PREP: variants seen among roughly 807,000 people sequenced by gnomAD.
PREP encodes the protein dJ355L5.1 (prolyl endopeptidase).
Under a neutral mutation model 87.6 loss-of-function variants are expected in PREP, and 29 were observed. That is an observed-to-expected ratio of 0.33 (90% CI 0.25 to 0.45). The LOEUF (loss-of-function observed/expected upper bound fraction) is 0.45. Ranked by LOEUF, PREP falls within the 20% of genes least tolerant of loss-of-function variation. The probability of loss-of-function intolerance (pLI) is 1.00; values close to 1 mark genes in which losing one functional copy is unlikely to be tolerated. For synonymous variants in PREP, 337 were observed against 328.6 expected (o/e 1.03, Z -0.28); for missense variants, 695 against 886.5 (o/e 0.78, Z 2.74).
chr6:105,329,785 A>G (rs1254458669), intron 8 of PREP, among the ~76,000 whole-genome samples: 1 of 152,274 alleles, frequency 6.6e-6, no homozygotes, highest in African/African-American at 2.4e-5. Context: ...GTGAGACAAA[A>G]TCATATAAAA....
At chr6:105,348,992 A>G (rs1258748678) in intron 7 of PREP, among the ~76,000 whole-genome samples, 1 of 152,194 alleles carries the variant, frequency 6.6e-6, no homozygotes, top group Non-Finnish European at 1.5e-5. Flanking sequence ...AGTGGAGAAT[A>G]GGACATGACT....
At chr6:105,332,495 G>A (rs1025976107) in intron 8 of PREP, among the ~76,000 whole-genome samples, 1 of 151,974 alleles carries the variant, frequency 6.6e-6, no homozygotes, top group Non-Finnish European at 1.5e-5. Context: ...ATCTCAAAGG[G>A]GACTTTTTTT....
chr6:105,326,037 G>A (rs187546368), intron 9 of PREP, among the ~76,000 whole-genome samples: 1 of 152,256 alleles, frequency 6.6e-6, no homozygotes, highest in East Asian at 1.9e-4. Context: ...CAGGGGATCC[G>A]AAAAGTCACG....
chr6:105,394,889 T>C (rs938914495), intron 2 of PREP, among the ~76,000 whole-genome samples: 2 of 152,228 alleles, frequency 1.3e-5, no homozygotes, highest in African/African-American at 4.8e-5. Flanking sequence ...TCAAGGCTAC[T>C]GCAACAAGTA....
chr6:105,384,438 A>G (rs1772930053), intron 2 of PREP, among the ~76,000 whole-genome samples: 1 of 152,192 alleles, frequency 6.6e-6, no homozygotes, highest in African/African-American at 2.4e-5. Flanking sequence ...CTCTTTCTCC[A>G]TCAGATCGTA....
chr6:105,288,111 G>A (rs1770224127), intron 11 of PREP, among the ~76,000 whole-genome samples: 1 of 152,174 alleles, frequency 6.6e-6, no homozygotes, highest in Non-Finnish European at 1.5e-5. Context: ...TGAAGGTAGT[G>A]CGGTGGCAGC....
Position 105,276,704 on chromosome 6 carries a change from G to A in PREP, c.*1440C>T, listed in dbSNP as rs1255184372. On this transcript the variant is annotated 3_prime_UTR_variant, in exon 15 of 15. Coordinates refer to ENST00000652536, the MANE Select transcript of PREP (RefSeq NM_002726.5). ...ATTATGTACCGTACTAAATAGTAAC[G>A]GAAAACATGATTCCAGTAGAGAAAA... is the stretch of plus-strand genomic sequence containing the variant. Among the ~76,000 whole-genome samples, 2 of 152,126 alleles carry A rather than the reference G, an allele frequency of 1.3e-5. No individual in the cohort carries two copies. Among genetic ancestry groups the A allele is most frequent in the African/African-American group, 4.8e-5 (2 of 41,426 alleles).
chr6:105,278,069 C>T lies in PREP; in HGVS notation c.*75G>A. ...TGTTCCCGTGGGGAAGCATTATGCC[C>T]AGTGGTTTCTTGGTGTCAACGTGGG... On this transcript the variant is annotated 3_prime_UTR_variant, in exon 15 of 15. Coordinates refer to ENST00000652536, the MANE Select transcript of PREP (RefSeq NM_002726.5). This position sits in a 1 kb window ranked among gnomAD's most constrained non-coding sequence, Gnocchi z 4.2. 1.3e-6 allele frequency: 2 copies of T among 1,517,622 alleles called. No homozygotes were observed. Among genetic ancestry groups the T allele is most frequent in the African/African-American group, 1.4e-5 (1 of 72,616 alleles). The allele number at this position is 1,517,622 out of a possible 1,614,324, so 94.0% of individuals were successfully genotyped here.
chr6:105,312,698 G>A (rs1371228684), intron 10 of PREP, among the ~76,000 whole-genome samples: 1 of 152,098 alleles, frequency 6.6e-6, no homozygotes, highest in African/African-American at 2.4e-5. Context: ...GCTTTACACT[G>A]AGCTCCCAGG....
At chr6:105,283,457 C>T (rs1770123968) in intron 12 of PREP, among the ~76,000 whole-genome samples, 1 of 152,154 alleles carries the variant, frequency 6.6e-6, no homozygotes, top group African/African-American at 2.4e-5. Flanking sequence ...TTGAGATTAA[C>T]CACTTCTGCT....
chr6:105,373,615 C>T (rs774991460), intron 4 of PREP, 37 bp from the exon 5 acceptor site: 108 of 1,573,402 alleles, frequency 6.9e-5, no homozygotes, highest in East Asian at 3.6e-4. Context: ...GTGACAAACA[C>T]GGAACACAAC....
rs1334591304 is a variant in PREP, at chr6:105,277,839, A to C, written c.*305T>G. On this transcript the variant is annotated 3_prime_UTR_variant, in exon 15 of 15. Coordinates refer to ENST00000652536, the MANE Select transcript of PREP (RefSeq NM_002726.5). ...ATAAGTATGCCCGACTATGATCCTT[A>C]ATTCAGCAATCTAATATTCACAATG... 12 of 391,514 alleles carry C rather than the reference A, an allele frequency of 3.1e-5. No homozygotes were observed. The Admixed American group carries it at 3.4e-4, about 11-fold the overall frequency. 24.3% of individuals were successfully genotyped at this position (391,514 alleles called of 1,614,324 possible). A position where few individuals can be genotyped will look rare whatever the true frequency, so the allele number is the denominator to read the frequency against.
intron 2 of PREP, among the ~76,000 whole-genome samples, chr6:105,394,083 TA>T (rs1773230135): frequency 6.6e-6 from 1 of 152,166 alleles, no homozygotes; most frequent in Admixed American, 6.5e-5. Flanking sequence ...TTCTTGTAAA[TA>T]TAGTTGTAAG....
In PREP at chr6:105,403,063, G is replaced by A. The variant is rs575058405; in HGVS notation, c.-172C>T. The A allele has an allele frequency of 1.1e-4, 30 of 278,830 alleles. No individual in the cohort carries two copies. The highest frequency in any genetic ancestry group is 1.6e-4 in the Non-Finnish European group (24 of 150,988). 17.3% of individuals were successfully genotyped at this position (278,830 alleles called of 1,614,324 possible). A position where few individuals can be genotyped will look rare whatever the true frequency, so the allele number is the denominator to read the frequency against. ...AGCACAAACGGACTGGCGGCGCGGC[G>A]GCGAGGACGTGCAGAAAGCAGGAAG... is the stretch of plus-strand genomic sequence containing the variant. On this transcript the variant is annotated 5_prime_UTR_variant, in exon 1 of 15. Coordinates refer to ENST00000652536, the MANE Select transcript of PREP (RefSeq NM_002726.5).
intron 10 of PREP, among the ~76,000 whole-genome samples, chr6:105,314,996 G>A (rs1314738389): frequency 1.3e-5 from 2 of 152,152 alleles, no homozygotes; most frequent in Non-Finnish European, 2.9e-5. Flanking sequence ...GGGTGACTAG[G>A]TGCATTGTCA....
intron 7 of PREP, among the ~76,000 whole-genome samples, chr6:105,351,841 C>T (rs956572950): frequency 1.3e-5 from 2 of 151,992 alleles, no homozygotes; most frequent in African/African-American, 2.4e-5. Flanking sequence ...TTCTTGACAC[C>T]AAGATGGATG....
intron 2 of PREP, among the ~76,000 whole-genome samples, chr6:105,382,270 AACACACACAC>A (rs146759488): frequency 0.059 from 8,404 of 143,070 alleles, 245 homozygotes; most frequent in East Asian, 0.07. Context: ...AAGCGTTCTC[AACACACACAC>A]ACACACACAC....
intron 2 of PREP, among the ~76,000 whole-genome samples, chr6:105,396,671 A>G (rs993541786): frequency 6.6e-6 from 1 of 151,522 alleles, no homozygotes; most frequent in Admixed American, 6.6e-5. Context: ...CTGAAAAACT[A>G]CCTAGAGTGC....
intron 8 of PREP, among the ~76,000 whole-genome samples, chr6:105,332,263 C>A (rs144111710): frequency 6.6e-6 from 1 of 152,046 alleles, no homozygotes; most frequent in Non-Finnish European, 1.5e-5. Flanking sequence ...CCTGTGACCC[C>A]GAGAGAAGCA....
Sources: gnomAD v4.1 joint callset for allele counts (sites outside exome capture counted in the v4.1 genomes callset) on GRCh38, gnomAD v4.1.1 for gene constraint, Gnocchi (gnomAD v3.1) non-coding constraint, MANE v1.5 for transcripts, NCBI Gene and HGNC (gene_info 2026-07-23, HGNC 2026-07-21) for gene names.